The following TMEM74 variants were observed in gnomAD, a reference collection of about 807,000 sequenced individuals.
TMEM74 encodes transmembrane protein 74.
Under a neutral mutation model 18.1 loss-of-function variants are expected in TMEM74, and 13 were observed. The observed-to-expected ratio is 0.72, with a 90% CI of 0.47 to 1.14. TMEM74 has a LOEUF of 1.14. Among genes scored for constraint, TMEM74 ranks in the 50% most tolerant of loss-of-function variants. The probability of loss-of-function intolerance (pLI) is 0.00; values close to 1 mark genes in which losing one functional copy is unlikely to be tolerated. For synonymous variants in TMEM74, 159 were observed against 146.6 expected, an observed-to-expected ratio of 1.08 and a Z score of -0.61; for missense variants, 372 against 375.9, an observed-to-expected ratio of 0.99 and a Z score of 0.09.
chr8:108,743,647 T>C (rs1813822901), intron 1 of TMEM74, among the ~76,000 whole-genome samples: 3 of 152,212 alleles, frequency 2.0e-5, no homozygotes, highest in Admixed American at 6.5e-5. Context: ...TGTCGTATTT[T>C]AGATTTTCTT....
chr8:108,646,959 G>T (rs915191295), intron 2 of TMEM74, among the ~76,000 whole-genome samples: 1 of 152,198 alleles, frequency 6.6e-6, no homozygotes, highest in Admixed American at 6.5e-5. Context: ...TTTCATTTTA[G>T]CTTGTATTAT....
intron 1 of TMEM74, among the ~76,000 whole-genome samples, chr8:108,679,374 AG>A (rs1813089619): frequency 6.6e-6 from 1 of 152,170 alleles, no homozygotes; most frequent in African/African-American, 2.4e-5. Context: ...ACAGTGTAAA[AG>A]TGTTCCTATT....
intron 2 of TMEM74, among the ~76,000 whole-genome samples, chr8:108,622,962 T>A (rs1051065658): frequency 6.6e-6 from 1 of 152,054 alleles, no homozygotes; most frequent in Admixed American, 6.6e-5. Context: ...TACATTCAAA[T>A]TGCTTAAAGT....
intron 2 of TMEM74, among the ~76,000 whole-genome samples, chr8:108,611,859 T>C (rs1262358329): frequency 6.6e-6 from 1 of 152,190 alleles, no homozygotes; most frequent in Non-Finnish European, 1.5e-5. Flanking sequence ...TACCAACGAC[T>C]GGGTAATTTA....
At chr8:108,699,074 T>C (rs2130613559) in intron 1 of TMEM74, among the ~76,000 whole-genome samples, 1 of 151,866 alleles carries the variant, frequency 6.6e-6, no homozygotes, top group East Asian at 2.0e-4. Context: ...ATTGCCCTTC[T>C]TTCTGGGAAC....
rs1365134023 is a variant in TMEM74, at chr8:108,781,620, AC to A, written c.*2560del. 6.6e-6 allele frequency among the ~76,000 whole-genome samples: 1 copy of A among 152,178 alleles called. No homozygotes were observed. The highest frequency in any genetic ancestry group is 1.5e-5 in the Non-Finnish European group (1 of 68,032). Reference sequence around the variant, plus strand: ...AATGGTTTGCCCTCAGATAAGTAGAACCTTAAAAGAGAGGTGCTCTATATGT... The same window carrying A: ...AATGGTTTGCCCTCAGATAAGTAGAACTTAAAAGAGAGGTGCTCTATATGT... On this transcript the variant is annotated 3_prime_UTR_variant, in exon 2 of 2. Coordinates refer to ENST00000297459, the MANE Select transcript of TMEM74 (RefSeq NM_153015.3).
intron 1 of TMEM74, among the ~76,000 whole-genome samples, chr8:108,756,664 G>A (rs1293674312): frequency 1.2e-5 from 1 of 84,106 alleles, no homozygotes; most frequent in African/African-American, 5.6e-5. Context: ...AAGAAAGAAA[G>A]AAAGAAAGAA....
chr8:108,628,167 A>C (rs1563735573), intron 2 of TMEM74, among the ~76,000 whole-genome samples: 1 of 152,076 alleles, frequency 6.6e-6, no homozygotes, highest in Non-Finnish European at 1.5e-5. Context: ...TTACCTTGGT[A>C]CATTAGTTGA....
chr8:108,653,025 C>T (rs1826928), intron 2 of TMEM74: 80 of 188,604 alleles, frequency 4.2e-4, no homozygotes, highest in African/African-American at 1.7e-3. Context: ...AGAATACACT[C>T]TTGAAGATGT....
chr8:108,755,424 G>T (rs1040584134), intron 1 of TMEM74, among the ~76,000 whole-genome samples: 6 of 152,080 alleles, frequency 3.9e-5, no homozygotes, highest in Admixed American at 1.3e-4. Flanking sequence ...ATACAGCATA[G>T]AAAACTAATA....
intron 1 of TMEM74, among the ~76,000 whole-genome samples, chr8:108,659,844 C>T (rs531399712): frequency 3.3e-5 from 5 of 152,118 alleles, no homozygotes; most frequent in Admixed American, 3.3e-4. Context: ...GCCATCTCAC[C>T]TAAGACCATG....
At chr8:108,664,962 A>C (rs1291489315) in intron 1 of TMEM74, among the ~76,000 whole-genome samples, 2 of 152,150 alleles carry the variant, frequency 1.3e-5, no homozygotes, top group African/African-American at 4.8e-5. Flanking sequence ...AGCTGTCTCT[A>C]GATTACAAGG....
At chr8:108,662,988 C>T (rs973065408) in intron 1 of TMEM74, among the ~76,000 whole-genome samples, 1 of 152,080 alleles carries the variant, frequency 6.6e-6, no homozygotes, top group African/African-American at 2.4e-5. Context: ...GTTGTCTTTG[C>T]TTAGGATTGC....
At chr8:108,734,976 T>G (rs1460785765) in intron 1 of TMEM74, among the ~76,000 whole-genome samples, 1 of 152,222 alleles carries the variant, frequency 6.6e-6, no homozygotes, top group African/African-American at 2.4e-5. Context: ...TTATCACTGT[T>G]ACCTGTTGAT....
In TMEM74 at chr8:108,670,034, T is replaced by TAAAAA. The variant is rs1563745188; in HGVS notation, n.120-14598_120-14597insTTTTT. ...GCCTGGATGACAGAGTAAGATTCTG[T>TAAAAA]GAAAAAAAAAAAAAAAAAAAAAAGG... On this transcript the variant is annotated intron_variant and non_coding_transcript_variant, in intron 1 of 3. Coordinates refer to the TMEM74 transcript ENST00000518838. Among the ~76,000 whole-genome samples, 8 of 113,938 alleles carry TAAAAA rather than the reference T, an allele frequency of 7.0e-5. 3 individuals are homozygous for TAAAAA. The highest frequency in any genetic ancestry group is 6.8e-5 in the African/African-American group (2 of 29,224). The allele number at this position is 113,938 out of a possible 152,430, so 74.7% of individuals were successfully genotyped here.
intron 2 of TMEM74, chr8:108,653,025 C>G (rs1826928): frequency 5.3e-6 from 1 of 188,486 alleles, no homozygotes. Context: ...AGAATACACT[C>G]TTGAAGATGT....
intron 1 of TMEM74, among the ~76,000 whole-genome samples, chr8:108,738,212 T>C (rs758587910): frequency 6.6e-6 from 1 of 152,196 alleles, no homozygotes; most frequent in African/African-American, 2.4e-5. Context: ...CAGTCCCACC[T>C]CTCTACTAAG....
At chr8:108,656,973 T>C (rs1812826745) in intron 1 of TMEM74, among the ~76,000 whole-genome samples, 1 of 152,164 alleles carries the variant, frequency 6.6e-6, no homozygotes, top group South Asian at 2.1e-4. Context: ...AATTTGAAAT[T>C]AAGCTGAGAA....
chr8:108,767,384 G>C (rs933990369), intron 1 of TMEM74, among the ~76,000 whole-genome samples: 5 of 152,056 alleles, frequency 3.3e-5, no homozygotes, highest in Non-Finnish European at 7.4e-5. Flanking sequence ...CAACCTACTT[G>C]AGCCGTGGTA....
Sources: gnomAD v4.1 joint callset for allele counts (sites outside exome capture counted in the v4.1 genomes callset) on GRCh38, gnomAD v4.1.1 for gene constraint, MANE v1.5 for transcripts, NCBI Gene and HGNC (gene_info 2026-07-23, HGNC 2026-07-21) for gene names.